Variants in ZCCHC10 observed in about 807,000 individuals in gnomAD.
ZCCHC10 encodes zinc finger CCHC domain-containing protein 10.
In ZCCHC10, 16 loss-of-function variants were observed where a neutral mutation model predicts 19.5. The observed-to-expected ratio is 0.82, with a 90% CI of 0.56 to 1.25. The LOEUF is 1.25. Ranked by LOEUF, ZCCHC10 falls within the 50% of genes most tolerant of loss-of-function variation. ZCCHC10 has a pLI of 0.00. For synonymous variants in ZCCHC10, 67 were observed against 72.5 expected (o/e 0.92, Z 0.38); for missense variants, 197 against 201.0 (o/e 0.98, Z 0.12).
At chr5:133,017,160 C>T (rs1355358791) in intron 2 of ZCCHC10, among the ~76,000 whole-genome samples, 1 of 152,108 alleles carries the variant, frequency 6.6e-6, no homozygotes, top group Non-Finnish European at 1.5e-5. Context: ...GACTTCCCCA[C>T]TACTGGATGA....
rs1489516957 is a variant in ZCCHC10, at chr5:132,997,290, C to T, written c.*1293G>A. The T allele has an allele frequency of 1.3e-5, 2 of 152,098 alleles. No homozygotes were observed. Among genetic ancestry groups the T allele is most frequent in the Non-Finnish European group, 2.9e-5 (2 of 68,006 alleles). The allele number at this position is 152,098 out of a possible 1,614,324, so 9.4% of individuals were successfully genotyped here. On this transcript the variant is annotated 3_prime_UTR_variant, in exon 5 of 5. Transcript: ENST00000509437. ...ACATATATTTCAATATTTAAATAGC[C>T]TGTTTTCTTCAAAAGTAATTTTCTA...
chr5:132,998,970 C>T, intron 4 of ZCCHC10, 120 bp from the exon 5 acceptor site: 1 of 1,347,936 alleles, frequency 7.4e-7, no homozygotes, highest in Admixed American at 2.3e-5. Flanking sequence ...GTGTGGAGTG[C>T]AGTGGCACAA....
At chr5:133,014,534 A>G (rs1189965284) in intron 2 of ZCCHC10, among the ~76,000 whole-genome samples, 2 of 152,222 alleles carry the variant, frequency 1.3e-5, no homozygotes, top group African/African-American at 4.8e-5. Flanking sequence ...AATTCAGTTC[A>G]GCACCACAGT....
At chr5:133,003,367 T>A (rs1206128565) in intron 3 of ZCCHC10, 2 of 345,482 alleles carry the variant, frequency 5.8e-6, no homozygotes, top group Non-Finnish European at 1.2e-5. Context: ...GATTTCTAAA[T>A]GAAATGTTTT....
chr5:133,023,634 C>A (rs1413444904), intron 1 of ZCCHC10, among the ~76,000 whole-genome samples: 1 of 151,542 alleles, frequency 6.6e-6, no homozygotes, highest in African/African-American at 2.4e-5. Context: ...ATTAGCCAGG[C>A]GGGTAGCACA....
chr5:133,019,084 T>C (rs1046427698), intron 2 of ZCCHC10: 6 of 452,120 alleles, frequency 1.3e-5, no homozygotes, highest in Non-Finnish European at 2.7e-5. Context: ...ACAAATATCA[T>C]CTAAAGCTCA....
chr5:132,998,035 CTATAAA>C lies in ZCCHC10; in HGVS notation c.*542_*547del, dbSNP rs2126526740. 1 of 152,302 alleles carries C rather than the reference CTATAAA, an allele frequency of 6.6e-6. No homozygotes were observed. The highest frequency in any genetic ancestry group is 1.9e-4 in the East Asian group (1 of 5,192). 9.4% of individuals were successfully genotyped at this position (152,302 alleles called of 1,614,324 possible). A position where few individuals can be genotyped will look rare whatever the true frequency, so the allele number is the denominator to read the frequency against. On this transcript the variant is annotated 3_prime_UTR_variant, in exon 5 of 5. Transcript: ENST00000509437. ...ATTTGAAACTTACAGCATTCAAAAA[CTATAAA>C]TATATTAATAGGCTCCTTGAACATA...
At position 132,998,211 on chromosome 5, in the gene ZCCHC10, T is replaced by C. The variant is rs1281197034; in HGVS notation, c.*372A>G. The C allele has an allele frequency of 3.5e-5, 6 of 169,112 alleles. No individual in the cohort carries two copies. Among genetic ancestry groups the C allele is most frequent in the Admixed American group, 3.4e-4 (6 of 17,864 alleles). The allele number at this position is 169,112 out of a possible 1,614,324, so 10.5% of individuals were successfully genotyped here. A position where few individuals can be genotyped will look rare whatever the true frequency, so the allele number is the denominator to read the frequency against. ...ACAGCCAAAAGCATTAGAAATCCACTGCCAGATATCCTGACGCACCATCCT... is the reference window on the plus strand; with the variant it reads ...ACAGCCAAAAGCATTAGAAATCCACCGCCAGATATCCTGACGCACCATCCT... On this transcript the variant is annotated 3_prime_UTR_variant, in exon 5 of 5. Transcript: ENST00000509437.
intron 2 of ZCCHC10, among the ~76,000 whole-genome samples, chr5:133,011,175 C>T (rs999326131): frequency 2.0e-5 from 3 of 151,842 alleles, no homozygotes; most frequent in Admixed American, 2.0e-4. Flanking sequence ...TGGTCTTGAA[C>T]TCCTGGGCTC....
intron 1 of ZCCHC10, among the ~76,000 whole-genome samples, chr5:133,025,095 C>T (rs60432787): frequency 0.35 from 52,514 of 151,890 alleles, 10,390 homozygotes; most frequent in African/African-American, 0.55. Flanking sequence ...AACACACATA[C>T]ATATACTAGC....
rs559108536 is a variant in ZCCHC10, at chr5:133,004,261, G to A, written c.269+2498C>T. Among the ~76,000 whole-genome samples the A allele has an allele frequency of 4.7e-5, 7 of 150,402 alleles. No homozygotes were observed. In the South Asian group the frequency reaches 1.3e-3, roughly 27 times the overall value. On this transcript the variant is annotated intron_variant, in intron 3 of 4. Coordinates refer to ENST00000509437, the MANE Select transcript of ZCCHC10 (RefSeq NM_001300816.3). ...GCAGTCTCGGCTCACCACAACCTCCGCCTCCCGGGTTCAAGTGATTCTCCT... is the reference window on the plus strand; with the variant it reads ...GCAGTCTCGGCTCACCACAACCTCCACCTCCCGGGTTCAAGTGATTCTCCT...
intron 3 of ZCCHC10, chr5:133,003,243 T>A: frequency 2.3e-6 from 1 of 430,374 alleles, no homozygotes; most frequent in Non-Finnish European, 4.6e-6. Context: ...TCAATCCAGA[T>A]GTTTGTTGGG....
At chr5:133,020,392 C>T (rs897393935) in intron 2 of ZCCHC10, among the ~76,000 whole-genome samples, 5 of 151,562 alleles carry the variant, frequency 3.3e-5, no homozygotes, top group African/African-American at 2.4e-5. Context: ...TGCAAGGAAC[C>T]GAGATCACGC....
At chr5:133,021,553 C>G (rs1324619293) in intron 2 of ZCCHC10, among the ~76,000 whole-genome samples, 1 of 152,104 alleles carries the variant, frequency 6.6e-6, no homozygotes. Context: ...CAGCTGAAAT[C>G]GCAGCAGCTT....
intron 2 of ZCCHC10, among the ~76,000 whole-genome samples, chr5:133,008,008 G>A (rs1004148472): frequency 3.3e-5 from 5 of 151,590 alleles, no homozygotes; most frequent in East Asian, 1.9e-4. Flanking sequence ...GGCGGATCAC[G>A]AGGTCAGGAG....
intron 3 of ZCCHC10, 107 bp downstream of exon 3, chr5:133,006,652 A>G: frequency 9.1e-7 from 1 of 1,104,576 alleles, no homozygotes; most frequent in Non-Finnish European, 1.2e-6. Context: ...AAACATTAGT[A>G]ACATTATAAT....
rs1377134042 is a variant in ZCCHC10, at chr5:133,026,517, C to T, written c.21G>A (p.Arg7=). MATPMH[R]LIARRQAFDT... is the part of the protein sequence containing the mutation. Reference sequence around the variant, plus strand: ...CTTACGCTTGTCTCCGGGCTATTAGCCGATGCATGGGAGTCGCCATCTTAG... The same window carrying T: ...CTTACGCTTGTCTCCGGGCTATTAGTCGATGCATGGGAGTCGCCATCTTAG... Residue 7 remains arginine, a synonymous_variant, in exon 1 of 5, where the codon CGG becomes CGA. Coordinates refer to ENST00000509437, the MANE Select transcript of ZCCHC10 (RefSeq NM_001300816.3). 6.2e-7 allele frequency: 1 copy of T among 1,613,840 alleles called. No homozygotes were observed. The highest frequency in any genetic ancestry group is 1.1e-5 in the South Asian group (1 of 90,980).
intron 4 of ZCCHC10, among the ~76,000 whole-genome samples, chr5:132,999,170 G>A (rs887098845): frequency 2.7e-4 from 41 of 152,160 alleles, no homozygotes; most frequent in South Asian, 8.3e-4. Flanking sequence ...TGATCTGCCC[G>A]CCTCAGCCTC....
intron 3 of ZCCHC10, among the ~76,000 whole-genome samples, chr5:133,002,916 C>T (rs1432577377): frequency 1.3e-5 from 2 of 151,934 alleles, no homozygotes; most frequent in African/African-American, 2.4e-5. Flanking sequence ...GATGGCGTTT[C>T]ACCATGTTGG....
Sources: allele counts gnomAD v4.1 joint callset (sites outside exome capture counted in the v4.1 genomes callset), GRCh38; gene constraint gnomAD v4.1.1; transcripts MANE v1.5; gene names NCBI Gene and HGNC (gene_info 2026-07-23, HGNC 2026-07-21).